The following DSCAM variants were observed in gnomAD, a reference collection of about 807,000 sequenced individuals.
The protein encoded by DSCAM is DS cell adhesion molecule.
In DSCAM, 47 loss-of-function variants were observed where a neutral mutation model predicts 217.7. That is an observed-to-expected ratio of 0.22 (90% CI 0.17 to 0.28). The LOEUF (loss-of-function observed/expected upper bound fraction) is 0.28, where lower values mean the gene tolerates loss of function less well. Among genes scored for constraint, DSCAM ranks in the 10% least tolerant of loss-of-function variants. DSCAM has a pLI of 1.00. For synonymous variants in DSCAM, 1,056 were observed against 1,015.3 expected (o/e 1.04, Z -0.76); for missense variants, 2,080 against 2,618.3 (o/e 0.79, Z 4.49).
Position 40,315,403 on chromosome 21 carries a change from C to CA in DSCAM, c.1784-3045dup, listed in dbSNP as rs72266206. Among the ~76,000 whole-genome samples the CA allele has an allele frequency of 6.5e-3, 791 of 121,138 alleles. 3 individuals are homozygous for CA. The highest frequency in any genetic ancestry group is 0.013 in the African/African-American group (437 of 33,312). The allele number at this position is 121,138 out of a possible 152,430, so 79.5% of individuals were successfully genotyped here. A position where few individuals can be genotyped will look rare whatever the true frequency, so the allele number is the denominator to read the frequency against. ...TGGGAGACAGAGCGAAACTCCGTCT[C>CA]AAAAAAAAAAAAGGAAAACATAGAG... On this transcript the variant is annotated intron_variant, in intron 8 of 32. Transcript: ENST00000400454.
chr21:40,563,664 T>TTA (rs201035348), intron 3 of DSCAM, among the ~76,000 whole-genome samples: 2 of 139,184 alleles, frequency 1.4e-5, no homozygotes, highest in Admixed American at 7.3e-5. Context: ...TTATGTTTGT[T>TTA]TATATATATG....
intron 18 of DSCAM, 40 bp downstream of exon 18, chr21:40,142,518 C>T: frequency 6.2e-7 from 1 of 1,610,004 alleles, no homozygotes; most frequent in Non-Finnish European, 8.5e-7. Flanking sequence ...ATCATGCATT[C>T]TCTGGAGGCA....
At chr21:40,292,188 T>A (rs1182117568) in intron 10 of DSCAM, among the ~76,000 whole-genome samples, 1 of 135,706 alleles carries the variant, frequency 7.4e-6, no homozygotes, top group Non-Finnish European at 1.5e-5. Context: ...GTAATGACTT[T>A]TTTTTTTTTT....
intron 19 of DSCAM, 48 bp from the exon 20 acceptor site, chr21:40,124,376 T>C (rs1438694485): frequency 6.2e-7 from 1 of 1,608,704 alleles, no homozygotes. Flanking sequence ...CAACTTGGGC[T>C]TGCGGACCCA....
At chr21:40,344,428 G>T (rs1044141494) in intron 6 of DSCAM, among the ~76,000 whole-genome samples, 4 of 151,964 alleles carry the variant, frequency 2.6e-5, no homozygotes, top group Non-Finnish European at 5.9e-5. Flanking sequence ...TTATTAATGT[G>T]CAGGGCTGCT....
At chr21:40,296,946 A>G (rs1486405835) in intron 9 of DSCAM, among the ~76,000 whole-genome samples, 9 of 151,604 alleles carry the variant, frequency 5.9e-5, no homozygotes. Context: ...TTCGATGTTG[A>G]TTTTTCCTCT....
intron 4 of DSCAM, among the ~76,000 whole-genome samples, chr21:40,360,991 A>G (rs1174069144): frequency 6.6e-6 from 1 of 152,112 alleles, no homozygotes; most frequent in Non-Finnish European, 1.5e-5. Context: ...TTTATATTTT[A>G]AGTGCATGAT....
chr21:40,105,764 T>G (rs897914877), intron 20 of DSCAM, among the ~76,000 whole-genome samples: 4 of 152,212 alleles, frequency 2.6e-5, no homozygotes, highest in Admixed American at 1.3e-4. Context: ...TCGACTTCCC[T>G]TCCACTTTCT....
intron 9 of DSCAM, among the ~76,000 whole-genome samples, chr21:40,307,442 G>A (rs1266250139): frequency 1.3e-5 from 2 of 152,208 alleles, no homozygotes; most frequent in African/African-American, 4.8e-5. Flanking sequence ...AACAGGTGCT[G>A]GAGAGGATGT....
intron 2 of DSCAM, 68 bp downstream of exon 2, chr21:40,708,385 AT>A (rs1223196334): frequency 7.8e-7 from 1 of 1,273,906 alleles, no homozygotes; most frequent in African/African-American, 1.5e-5. Flanking sequence ...GCATTTTGCT[AT>A]GTGTCATTGT....
intron 3 of DSCAM, among the ~76,000 whole-genome samples, chr21:40,445,774 T>A (rs144279265): frequency 6.6e-6 from 1 of 152,212 alleles, no homozygotes; most frequent in Non-Finnish European, 1.5e-5. Context: ...ATAGTAACTA[T>A]GGAAATTTGC....
At chr21:40,192,976 G>T (rs940510791) in intron 11 of DSCAM, among the ~76,000 whole-genome samples, 1 of 152,164 alleles carries the variant, frequency 6.6e-6, no homozygotes, top group African/African-American at 2.4e-5. Flanking sequence ...GCAATTTCAT[G>T]TTTAACATTT....
chr21:40,248,303 T>C (rs1338862641), intron 11 of DSCAM, among the ~76,000 whole-genome samples: 2 of 152,194 alleles, frequency 1.3e-5, no homozygotes, highest in Non-Finnish European at 2.9e-5. Flanking sequence ...TTCTATCACA[T>C]TGTCAGGCTG....
At chr21:40,631,079 T>C (rs1362818247) in intron 3 of DSCAM, among the ~76,000 whole-genome samples, 1 of 152,222 alleles carries the variant, frequency 6.6e-6, no homozygotes, top group Non-Finnish European at 1.5e-5. Context: ...CACCATGTTA[T>C]GTAGCAGAAA....
intron 11 of DSCAM, among the ~76,000 whole-genome samples, chr21:40,265,195 CAAAAAAAAAA>C: frequency 8.4e-6 from 1 of 118,898 alleles, no homozygotes; most frequent in South Asian, 2.8e-4. Flanking sequence ...AATTCCGTCT[CAAAAAAAAAA>C]GAAAAAAAAA....
chr21:40,064,199 A>T (rs554715327), intron 27 of DSCAM, among the ~76,000 whole-genome samples: 1 of 152,152 alleles, frequency 6.6e-6, no homozygotes, highest in African/African-American at 2.4e-5. Context: ...ATATACACAT[A>T]CATATAATGC....
intron 15 of DSCAM, among the ~76,000 whole-genome samples, chr21:40,167,510 C>A (rs1034707885): frequency 2.0e-5 from 3 of 152,164 alleles, no homozygotes; most frequent in Non-Finnish European, 4.4e-5. Context: ...GGGGACCTAT[C>A]ATGGTATTCC....
At chr21:40,823,161 C>T (rs1476523804) in intron 1 of DSCAM, among the ~76,000 whole-genome samples, 1 of 140,670 alleles carries the variant, frequency 7.1e-6, no homozygotes, top group African/African-American at 2.6e-5. Context: ...CCAGCACCGC[C>T]CCCCCAAAAA....
At chr21:40,770,114 G>C (rs2091431583) in intron 1 of DSCAM, among the ~76,000 whole-genome samples, 1 of 152,000 alleles carries the variant, frequency 6.6e-6, no homozygotes, top group Non-Finnish European at 1.5e-5. Flanking sequence ...GTTAAACCAA[G>C]GAACATTCTC....
Sources: allele counts gnomAD v4.1 joint callset (sites outside exome capture counted in the v4.1 genomes callset), GRCh38; gene constraint gnomAD v4.1.1; transcripts MANE v1.5; gene names NCBI Gene and HGNC (gene_info 2026-07-23, HGNC 2026-07-21).